The following C5orf34 variants were observed in gnomAD, a reference collection of about 807,000 sequenced individuals.
C5orf34 encodes the protein uncharacterized protein C5orf34.
A neutral mutation model predicts 78.4 loss-of-function variants in C5orf34; 73 were observed. The ratio of observed to expected loss-of-function variants is 0.93; its 90% confidence interval spans 0.77 to 1.13. C5orf34 has a LOEUF of 1.13. Ranked by LOEUF, C5orf34 falls within the 50% of genes most tolerant of loss-of-function variation. The probability of loss-of-function intolerance (pLI) is 0.00; values close to 1 mark genes in which losing one functional copy is unlikely to be tolerated. For synonymous variants in C5orf34, 251 were observed against 246.6 expected (o/e 1.02, Z -0.17); for missense variants, 730 against 732.7 (o/e 1.00, Z 0.04).
chr5:43,494,376 A>C, intron 7 of C5orf34, 134 bp downstream of exon 7: 1 of 482,248 alleles, frequency 2.1e-6, no homozygotes. Flanking sequence ...GACACCAAAA[A>C]AGTTGACAAA....
Position 43,487,016 on chromosome 5 carries a change from A to G in C5orf34, c.1816T>C (p.Leu606=). The change falls in exon 13 of 13, where the codon TTG becomes CTG. Residue 606 remains leucine (L), a synonymous_variant. Coordinates refer to ENST00000306862, the MANE Select transcript of C5orf34 (RefSeq NM_198566.4). The stretch of plus-strand genomic sequence containing the variant: ...CTATTTTCATTAACTTCTCCTAGCA[A>G]GGTTTCTGAAGATCCTGGTTTATAA... ...DHYKPGSSET[L]LGEVNENRVS... 2.5e-6 allele frequency: 4 copies of G among 1,590,984 alleles called. No homozygotes were observed. Among genetic ancestry groups the G allele is most frequent in the Non-Finnish European group, 2.6e-6 (3 of 1,167,938 alleles).
intron 3 of C5orf34, among the ~76,000 whole-genome samples, chr5:43,507,590 C>G (rs1746039441): frequency 6.6e-6 from 1 of 152,184 alleles, no homozygotes; most frequent in Admixed American, 6.5e-5. Flanking sequence ...TTTATGGCTC[C>G]TTTGCCACGA....
rs533751734 is a variant in C5orf34, at chr5:43,497,782, T to C, written c.1153-3181A>G. On this transcript the variant is annotated intron_variant, in intron 6 of 12. Coordinates refer to ENST00000306862, the MANE Select transcript of C5orf34 (RefSeq NM_198566.4). ...ACAGACCTGACTATCTAAATCTCTA[T>C]TGGGCTTCTCTTTTGGCTATGAAAA... Among the ~76,000 whole-genome samples, 7 of 152,376 alleles carry C rather than the reference T, an allele frequency of 4.6e-5. No individual in the cohort carries two copies. In the East Asian group the frequency reaches 1.3e-3, roughly 29 times the overall value.
chr5:43,507,236 T>C (rs573367556), intron 3 of C5orf34, among the ~76,000 whole-genome samples: 1 of 152,326 alleles, frequency 6.6e-6, no homozygotes, highest in Non-Finnish European at 1.5e-5. Context: ...ATATAAACAG[T>C]AGATATTGCG....
intron 6 of C5orf34, chr5:43,495,196 A>G: frequency 6.2e-7 from 1 of 1,611,524 alleles, no homozygotes; most frequent in African/African-American, 1.3e-5. Context: ...CAGCAAAATG[A>G]CCCAAAGGTG....
chr5:43,513,907 C>A (rs890914854), intron 1 of C5orf34, among the ~76,000 whole-genome samples: 1 of 152,094 alleles, frequency 6.6e-6, no homozygotes, highest in African/African-American at 2.4e-5. Context: ...TATTTTCTCC[C>A]ACTAGGATAT....
At chr5:43,500,104 C>A (rs1394510135) in intron 6 of C5orf34, among the ~76,000 whole-genome samples, 2 of 152,198 alleles carry the variant, frequency 1.3e-5, no homozygotes, top group Non-Finnish European at 2.9e-5. Context: ...CCACACCCTT[C>A]CCAGCAGATG....
At chr5:43,505,496 T>A (rs1745941863) in intron 4 of C5orf34, 1 of 402,988 alleles carries the variant, frequency 2.5e-6, no homozygotes, top group African/African-American at 2.1e-5. Flanking sequence ...GGACTGTGTC[T>A]TAGTCATCTC....
At chr5:43,488,177 C>T (rs1745137252) in intron 11 of C5orf34, 1 of 510,540 alleles carries the variant, frequency 2.0e-6, no homozygotes. Flanking sequence ...TGTAAATCCA[C>T]TTCAAGGAAT....
At position 43,499,515 on chromosome 5, in the gene C5orf34, T is replaced by TA. The variant is rs201984499; in HGVS notation, c.1152+2856dup. Among the ~76,000 whole-genome samples the TA allele has an allele frequency of 9.9e-3, 1,502 of 152,180 alleles. 18 individuals carry two copies. Among genetic ancestry groups the TA allele is most frequent in the African/African-American group, 0.034 (1,411 of 41,514 alleles). ...AATAAATAATACATTAAGTTTTTGT[T>TA]AAAAAAAGTTCAAAAAGTATGAAAA... is the stretch of plus-strand genomic sequence containing the variant. On this transcript the variant is annotated intron_variant, in intron 6 of 12. Coordinates refer to ENST00000306862, the MANE Select transcript of C5orf34 (RefSeq NM_198566.4).
rs1200264456 is a variant in C5orf34 at position 43,515,124 on chromosome 5, G to A, written c.-355C>T. The stretch of plus-strand genomic sequence containing the variant: ...GACCAGTTCAAAACCAGCGCCCTCA[G>A]GGAGCCGCTTCAGAGCTCCGCAACA... On this transcript the variant is annotated 5_prime_UTR_variant, in exon 1 of 13. Transcript: ENST00000306862. The A allele has an allele frequency of 6.6e-6, 1 of 152,240 alleles. No individual in the cohort carries two copies. Among genetic ancestry groups the A allele is most frequent in the African/African-American group, 2.4e-5 (1 of 41,458 alleles). The allele number at this position is 152,240 out of a possible 1,614,324, so 9.4% of individuals were successfully genotyped here.
chr5:43,488,125 T>C (rs1230359043), intron 11 of C5orf34, 176 bp from the exon 12 acceptor site: 9 of 589,322 alleles, frequency 1.5e-5, no homozygotes, highest in Non-Finnish European at 2.7e-5. Context: ...AACTGATACT[T>C]ACTGAGTGCC....
At chr5:43,491,652 G>A (rs1319129808) in intron 10 of C5orf34, among the ~76,000 whole-genome samples, 1 of 152,162 alleles carries the variant, frequency 6.6e-6, no homozygotes, top group Non-Finnish European at 1.5e-5. Flanking sequence ...CAGCAAATCA[G>A]TATGTCTATA....
chr5:43,493,720 CACTGAAATGT>C (rs1468016875), intron 7 of C5orf34, 108 bp from the exon 8 acceptor site: 43 of 630,192 alleles, frequency 6.8e-5, no homozygotes, highest in Middle Eastern at 2.6e-4. Context: ...AAATCATTTT[CACTGAAATGT>C]GTTGGGAACT....
chr5:43,490,546 A>G, intron 11 of C5orf34, 85 bp downstream of exon 11: 1 of 848,828 alleles, frequency 1.2e-6, no homozygotes, highest in Admixed American at 2.4e-5. Flanking sequence ...TTTTGGGGAA[A>G]AAAGTCTCAG....
chr5:43,488,853 A>T (rs560986096), intron 11 of C5orf34, among the ~76,000 whole-genome samples: 1 of 152,276 alleles, frequency 6.6e-6, no homozygotes, highest in African/African-American at 2.4e-5. Flanking sequence ...TGAAGACATT[A>T]GTCTAAAATA....
rs760799383 is a variant in C5orf34 at position 43,506,113 on chromosome 5, C to G, written c.567G>C (p.Gln189His). The G allele has an allele frequency of 1.2e-6, 2 of 1,614,078 alleles. No homozygotes were observed. Among genetic ancestry groups the G allele is most frequent in the African/African-American group, 2.7e-5 (2 of 74,930 alleles). Residue 189 changes from glutamine to histidine, a missense_variant, in exon 4 of 13, where the codon CAG becomes CAC. Physicochemically the swap from Gln to His is conservative, Grantham distance 24 (BLOSUM62 0). Transcript: ENST00000306862. ...KICIRGNLPG[Q>H]RLKNKENEFH... ...ACTCATTTTCTTTATTCTTCAGTCTCTGTCCTGGTAAATTTCCACGTATAC... is the reference window on the plus strand; with the variant it reads ...ACTCATTTTCTTTATTCTTCAGTCTGTGTCCTGGTAAATTTCCACGTATAC...
chr5:43,495,401 A>T, intron 6 of C5orf34: 1 of 1,611,754 alleles, frequency 6.2e-7, no homozygotes. Flanking sequence ...GCCAGCGCTT[A>T]TTTGGCCTGG....
At chr5:43,489,616 C>A (rs559637797) in intron 11 of C5orf34, among the ~76,000 whole-genome samples, 2 of 152,106 alleles carry the variant, frequency 1.3e-5, no homozygotes, top group Non-Finnish European at 2.9e-5. Context: ...ACTTTAGCAA[C>A]TTTTCTGCTT....
Sources: allele counts gnomAD v4.1 joint callset (sites outside exome capture counted in the v4.1 genomes callset), GRCh38; gene constraint gnomAD v4.1.1; transcripts MANE v1.5; gene names NCBI Gene and HGNC (gene_info 2026-07-23, HGNC 2026-07-21).